CLEC20A: variants seen among roughly 807,000 people sequenced by gnomAD.
CLEC20A encodes the protein putative C-type lectin domain family 20 member A.
At chr1:178,485,837 A>G (rs1649119174) in intron 5 of CLEC20A, among the ~76,000 whole-genome samples, 1 of 152,236 alleles carries the variant, frequency 6.6e-6, no homozygotes, top group African/African-American at 2.4e-5. Flanking sequence ...TGCAATCTCA[A>G]TAATTCATAA....
At chr1:178,482,894 TATCTC>T (rs1649027561) in intron 6 of CLEC20A, 1 of 293,344 alleles carries the variant, frequency 3.4e-6, no homozygotes, top group Admixed American at 5.1e-5. Flanking sequence ...AGTTTATAGT[TATCTC>T]ATTGGGTGCT....
chr1:178,493,478 G>A (rs1365900752), intron 2 of CLEC20A: 2 of 152,720 alleles, frequency 1.3e-5, no homozygotes, highest in Non-Finnish European at 2.9e-5. Context: ...TACCGGGCAA[G>A]TGCTGTGCAC....
chr1:178,498,253 G>A (rs1352561759), upstream of CLEC20A, among the ~76,000 whole-genome samples: 4 of 152,016 alleles, frequency 2.6e-5, no homozygotes, highest in Admixed American at 6.6e-5. Context: ...GCTTCCGCAC[G>A]GTCAGAGACC....
At chr1:178,498,098 TG>T (rs756928958), upstream of CLEC20A, among the ~76,000 whole-genome samples, 53 of 152,116 alleles carry the variant, frequency 3.5e-4, no homozygotes, top group Non-Finnish European at 6.2e-4. Flanking sequence ...GGAGAAACTG[TG>T]GCTCAGAGAA....
rs907963310 is a variant in CLEC20A at position 178,494,446 on chromosome 1, G to A, written c.397+8C>T. The A allele has an allele frequency of 2.0e-5, 8 of 400,208 alleles. No homozygotes were observed. Among genetic ancestry groups the A allele is most frequent in the Non-Finnish European group, 3.5e-5 (8 of 226,894 alleles). 24.8% of individuals were successfully genotyped at this position (400,208 alleles called of 1,614,324 possible). Reference sequence around the variant, plus strand: ...AAGACCAAGCCTGAAATATGAATGTGAACACACCACAGTAGCAGAGGAAGG... The same window carrying A: ...AAGACCAAGCCTGAAATATGAATGTAAACACACCACAGTAGCAGAGGAAGG... On this transcript the variant is annotated splice_region_variant and intron_variant, in intron 2 of 7. Transcript: ENST00000623247.
chr1:178,480,376 G>C (rs929043284), intron 7 of CLEC20A: 1 of 152,176 alleles, frequency 6.6e-6, no homozygotes, highest in African/African-American at 2.4e-5. Context: ...TTTCCCCACT[G>C]GCTTCAATTT....
intron 4 of CLEC20A, 133 bp downstream of exon 4, chr1:178,489,939 T>C (rs1015101363): frequency 5.0e-6 from 2 of 397,302 alleles, no homozygotes; most frequent in African/African-American, 4.1e-5. Context: ...GCTCCAGAAC[T>C]CAGTTACCCC....
intron 7 of CLEC20A, chr1:178,482,092 A>G (rs1031609931): frequency 1.7e-5 from 6 of 362,388 alleles, no homozygotes; most frequent in Non-Finnish European, 9.5e-6. Flanking sequence ...CAAAAAAACA[A>G]CAAAAAAAAA....
At chr1:178,479,277 T>C (rs1648879196) in exon 8 of CLEC20A, 5 of 277,334 alleles carry the variant, frequency 1.8e-5, no homozygotes, top group Non-Finnish European at 3.3e-5. Flanking sequence ...TTTTAATTTC[T>C]TAATAGAAGT....
At chr1:178,495,049 T>TTCCCTCATCTCCCCAG (rs1435353093) in intron 1 of CLEC20A, among the ~76,000 whole-genome samples, 1 of 152,106 alleles carries the variant, frequency 6.6e-6, no homozygotes, top group Non-Finnish European at 1.5e-5. Context: ...TATTCTCCCA[T>TTCCCTCATCTCCCCAG]TCCCTCATCT....
At chr1:178,499,238 C>G (rs1433308333), upstream of CLEC20A, among the ~76,000 whole-genome samples, 1 of 152,202 alleles carries the variant, frequency 6.6e-6, no homozygotes, top group Non-Finnish European at 1.5e-5. Context: ...AAAGCACTCG[C>G]TTCTCACAAG....
intron 5 of CLEC20A, among the ~76,000 whole-genome samples, chr1:178,487,185 C>G (rs1425909686): frequency 6.6e-6 from 1 of 152,220 alleles, no homozygotes; most frequent in East Asian, 1.9e-4. Context: ...GCCTTGCCCA[C>G]CCAGTGCAGA....
At position 178,483,164 on chromosome 1, in the gene CLEC20A, G is replaced by A. The variant is rs1649034991; in HGVS notation, c.1036+11C>T. 1.0e-5 allele frequency: 4 copies of A among 398,540 alleles called. No homozygotes were observed. The highest frequency in any genetic ancestry group is 1.8e-5 in the Non-Finnish European group (4 of 226,086). 24.7% of individuals were successfully genotyped at this position (398,540 alleles called of 1,614,324 possible). On this transcript the variant is annotated intron_variant, in intron 6 of 7. Transcript: ENST00000623247. Reference sequence around the variant, plus strand: ...GGTAAGAGTAGGAACTTGGTAGACAGAAGCAGTTACCTGATTTTTGTGCTG... The same window carrying A: ...GGTAAGAGTAGGAACTTGGTAGACAAAAGCAGTTACCTGATTTTTGTGCTG...
downstream of CLEC20A, chr1:178,479,027 G>A (rs1330464516): frequency 1.3e-5 from 2 of 152,164 alleles, no homozygotes; most frequent in African/African-American, 4.8e-5. Context: ...CATGTAATAA[G>A]ATTTCAATTT....
rs556231319 is a variant in CLEC20A, at chr1:178,496,851, C to T, written c.40+49G>A. ...GCGCCCCCTTCCCTCAGCCTCTAGC[C>T]CGGGGGAGCATGGAGCCAGGCACCC... On this transcript the variant is annotated intron_variant, in intron 1 of 7. Coordinates refer to ENST00000623247, the Ensembl canonical transcript of CLEC20A. The T allele has an allele frequency of 3.4e-4, 135 of 398,724 alleles. 2 individuals carry two copies. The highest frequency in any genetic ancestry group is 2.9e-3 in the Admixed American group (66 of 22,740). 24.7% of individuals were successfully genotyped at this position (398,724 alleles called of 1,614,324 possible).
At chr1:178,486,148 C>T (rs1274325525) in intron 5 of CLEC20A, among the ~76,000 whole-genome samples, 1 of 152,196 alleles carries the variant, frequency 6.6e-6, no homozygotes, top group African/African-American at 2.4e-5. Context: ...CCCAGATCAC[C>T]CCACTTCACC....
intron 1 of CLEC20A, chr1:178,495,962 G>A (rs1649378546): frequency 6.6e-6 from 1 of 152,568 alleles, no homozygotes; most frequent in South Asian, 2.1e-4. Context: ...CCCAGGAGAG[G>A]AGAATGAGAC....
In CLEC20A at chr1:178,482,172, C is replaced by T. The variant is rs191671715; in HGVS notation, c.1122+140G>A. The T allele has an allele frequency of 3.7e-4, 148 of 395,890 alleles. 1 individual carries two copies. The highest frequency in any genetic ancestry group is 2.7e-3 in the African/African-American group (132 of 48,620). The allele number at this position is 395,890 out of a possible 1,614,324, so 24.5% of individuals were successfully genotyped here. Reference sequence around the variant, plus strand: ...ATCTTGCCACATAACCAACTTGTCACCATGAGCCAAAGTGATGGCAGTGGA... The same window carrying T: ...ATCTTGCCACATAACCAACTTGTCATCATGAGCCAAAGTGATGGCAGTGGA... On this transcript the variant is annotated intron_variant, in intron 7 of 7. Coordinates refer to ENST00000623247, the Ensembl canonical transcript of CLEC20A.
chr1:178,485,079 A>T (rs1455777108), intron 5 of CLEC20A, among the ~76,000 whole-genome samples: 2 of 152,354 alleles, frequency 1.3e-5, no homozygotes, highest in East Asian at 3.9e-4. Context: ...GAATATAGTC[A>T]CTGTTAACAT....
Sources: gnomAD v4.1 joint callset for allele counts (sites outside exome capture counted in the v4.1 genomes callset) on GRCh38, gnomAD v4.1.1 for gene constraint, MANE v1.5 for transcripts, NCBI Gene and HGNC (gene_info 2026-07-23, HGNC 2026-07-21) for gene names.